LARP4B: variants seen among roughly 807,000 people sequenced by gnomAD.
The protein encoded by LARP4B is la-related protein 4B.
LARP4B carries 12 observed loss-of-function variants against 89.8 expected under a neutral mutation model. The ratio of observed to expected loss-of-function variants is 0.13; its 90% confidence interval spans 0.09 to 0.22. LARP4B has a LOEUF of 0.22. Among genes scored for constraint, LARP4B ranks in the 10% least tolerant of loss-of-function variants. The probability of loss-of-function intolerance (pLI) is 1.00; values close to 1 mark genes in which losing one functional copy is unlikely to be tolerated. For synonymous variants in LARP4B, 367 were observed against 363.3 expected, an observed-to-expected ratio of 1.01 and a Z score of -0.12; for missense variants, 757 against 947.7, an observed-to-expected ratio of 0.80 and a Z score of 2.64.
At chr10:864,065 C>T in intron 4 of LARP4B, 58 bp downstream of exon 4, 1 of 1,604,034 alleles carries the variant, frequency 6.2e-7, no homozygotes, top group Non-Finnish European at 8.5e-7. Context: ...ATTAAAATGG[C>T]AACAAAAGCA....
chr10:956,388 C>T, the LARP4B span, among the ~76,000 whole-genome samples: 1 of 151,950 alleles, frequency 6.6e-6, no homozygotes, highest in East Asian at 1.9e-4. This position sits in a 1 kb window ranked among gnomAD's most constrained non-coding sequence, Gnocchi z 4.3. Flanking sequence ...CTGTGTCCCC[C>T]AGGCTGGAGT....
At chr10:886,104 C>T (rs918274887) in intron 1 of LARP4B, among the ~76,000 whole-genome samples, 3 of 152,038 alleles carry the variant, frequency 2.0e-5, no homozygotes, top group African/African-American at 7.2e-5. Context: ...GGAACTCACA[C>T]CACTCGATAG....
At chr10:826,149 A>G (rs1463835898) in intron 11 of LARP4B, among the ~76,000 whole-genome samples, 1 of 152,260 alleles carries the variant, frequency 6.6e-6, no homozygotes, top group Non-Finnish European at 1.5e-5. Context: ...TCAAGAGCGC[A>G]TGGGCTCCAA....
In LARP4B at chr10:864,281, AT is replaced by A; in HGVS notation, c.142-12del. 5 of 1,613,998 alleles carry A rather than the reference AT, an allele frequency of 3.1e-6. No homozygotes were observed. Among genetic ancestry groups the A allele is most frequent in the Non-Finnish European group, 4.2e-6 (5 of 1,179,870 alleles). On this transcript the variant is annotated splice_polypyrimidine_tract_variant and intron_variant, in intron 3 of 17. Transcript: ENST00000316157. ...CTTAGTTGCTGGTACCTAGGAAGAA[AT>A]GTAAGATAGACATTTGTATCCAAAT...
the LARP4B span, among the ~76,000 whole-genome samples, chr10:975,731 G>T: frequency 6.6e-6 from 1 of 151,380 alleles, no homozygotes; most frequent in Non-Finnish European, 1.5e-5. Context: ...CCTAGTAGAA[G>T]GTAGGCCTGT....
intron 1 of LARP4B, among the ~76,000 whole-genome samples, chr10:926,082 G>T (rs550708659): frequency 6.6e-6 from 1 of 152,346 alleles, no homozygotes; most frequent in Admixed American, 6.5e-5. Flanking sequence ...ACACAGGTGG[G>T]AGATGTCTTT....
chr10:980,152 G>A, the LARP4B span, among the ~76,000 whole-genome samples: 1 of 152,310 alleles, frequency 6.6e-6, no homozygotes, highest in Admixed American at 6.5e-5. Flanking sequence ...CAGGGCACAC[G>A]GCTGCAAGGG....
chr10:841,345 A>G (rs1833512067), intron 7 of LARP4B, among the ~76,000 whole-genome samples: 2 of 152,286 alleles, frequency 1.3e-5, no homozygotes, highest in South Asian at 2.1e-4. Context: ...AAATCGAGTG[A>G]AAAAAGACAA....
At chr10:831,081 AACAAACGTACCATG>A (rs1832880326) in intron 8 of LARP4B, 104 bp from the exon 9 acceptor site, 2 of 528,134 alleles carry the variant, frequency 3.8e-6, no homozygotes, top group Non-Finnish European at 6.7e-6. Flanking sequence ...ACTATCCTTA[AACAAACGTACCATG>A]ATGCCTAGTA....
At chr10:882,142 C>T (rs570268894) in intron 3 of LARP4B, among the ~76,000 whole-genome samples, 101 of 152,140 alleles carry the variant, frequency 6.6e-4, no homozygotes, top group Non-Finnish European at 1.4e-3. Flanking sequence ...TGTAAAAGTT[C>T]TAAGACTACA....
At position 916,563 on chromosome 10, in the gene LARP4B, C is replaced by T. The variant is rs192040574; in HGVS notation, c.-40+14865G>A. ...ATACAAAACTAGCCAGGCGTGGTGGCGCATGCCTGTAATCCCAGATACTTG... is the reference window on the plus strand; with the variant it reads ...ATACAAAACTAGCCAGGCGTGGTGGTGCATGCCTGTAATCCCAGATACTTG... On this transcript the variant is annotated intron_variant, in intron 1 of 17. Coordinates refer to ENST00000316157, the MANE Select transcript of LARP4B (RefSeq NM_015155.3). Among the ~76,000 whole-genome samples, 632 of 152,222 alleles carry T rather than the reference C, an allele frequency of 4.2e-3. 8 individuals carry two copies. Among genetic ancestry groups the T allele is most frequent in the African/African-American group, 0.014 (575 of 41,542 alleles).
At chr10:844,838 C>T (rs1404677447) in intron 6 of LARP4B, 139 bp downstream of exon 6, 12 of 542,158 alleles carry the variant, frequency 2.2e-5, no homozygotes, top group Non-Finnish European at 3.8e-5. Flanking sequence ...ACTGTCATTA[C>T]TCAATATTCC....
chr10:884,334 G>C, intron 3 of LARP4B, 113 bp downstream of exon 3: 1 of 804,840 alleles, frequency 1.2e-6, no homozygotes, highest in South Asian at 1.5e-5. Context: ...ACAACTTTTT[G>C]AGAAATATCT....
chr10:906,439 A>G (rs771717422), intron 1 of LARP4B, among the ~76,000 whole-genome samples: 8 of 152,230 alleles, frequency 5.3e-5, no homozygotes, highest in Non-Finnish European at 8.8e-5. Context: ...ACACAACTCC[A>G]CTGGTGGGAA....
rs527821832 is a variant in LARP4B at position 827,845 on chromosome 10, GAAGTATTC to G, written c.1125+1532_1125+1539del. 1.3e-4 allele frequency among the ~76,000 whole-genome samples: 20 copies of G among 152,274 alleles called. No individual in the cohort carries two copies. The South Asian group carries it at 4.1e-3, about 32-fold the overall frequency. On this transcript the variant is annotated intron_variant, in intron 11 of 17. Transcript: ENST00000316157. ...TCTCATGATATGCTTTTGGGAAAAC[GAAGTATTC>G]AGCTATGGGTACACTTTTATAGAAT...
intron 3 of LARP4B, among the ~76,000 whole-genome samples, chr10:881,606 A>T (rs1835670470): frequency 6.6e-6 from 1 of 152,186 alleles, no homozygotes; most frequent in Non-Finnish European, 1.5e-5. Context: ...ACTCAGGTAA[A>T]CTTAATGCAA....
At chr10:956,596 C>T in the LARP4B span, among the ~76,000 whole-genome samples, 1 of 152,140 alleles carries the variant, frequency 6.6e-6, no homozygotes, top group Non-Finnish European at 1.5e-5. This position sits in a 1 kb window ranked among gnomAD's most constrained non-coding sequence, Gnocchi z 4.3. Context: ...CCGCCCGCCT[C>T]GGTATCCTCG....
At chr10:849,746 G>T (rs569158051) in intron 5 of LARP4B, among the ~76,000 whole-genome samples, 3 of 152,182 alleles carry the variant, frequency 2.0e-5, no homozygotes, top group Admixed American at 1.3e-4. Context: ...GGTAAGTCAC[G>T]TTGACAATGT....
the LARP4B span, among the ~76,000 whole-genome samples, chr10:979,913 G>T: frequency 6.6e-6 from 1 of 152,212 alleles, no homozygotes; most frequent in Non-Finnish European, 1.5e-5. Context: ...AGAGCTTGCA[G>T]TAAGCTGAGA....
Sources: gnomAD v4.1 joint callset for allele counts (sites outside exome capture counted in the v4.1 genomes callset) on GRCh38, gnomAD v4.1.1 for gene constraint, Gnocchi (gnomAD v3.1) non-coding constraint, MANE v1.5 for transcripts, NCBI Gene and HGNC (gene_info 2026-07-23, HGNC 2026-07-21) for gene names.